The following LAMC1 variants were observed in gnomAD, a reference collection of about 807,000 sequenced individuals.
The protein encoded by LAMC1 is laminin subunit gamma 1, also known as laminin subunit gamma-1.
LAMC1 carries 38 observed loss-of-function variants against 173.6 expected under a neutral mutation model. The observed-to-expected ratio is 0.22, with a 90% CI of 0.17 to 0.29. The LOEUF is 0.29. Among genes scored for constraint, LAMC1 ranks in the 10% least tolerant of loss-of-function variants. The pLI, the probability that LAMC1 is intolerant of heterozygous loss-of-function variation, is 1.00. For synonymous variants in LAMC1, 746 were observed against 749.1 expected (o/e 1.00, Z 0.07); for missense variants, 1,824 against 2,051.8 (o/e 0.89, Z 2.14).
In LAMC1 at chr1:183,079,232, G is replaced by GTTTTTTT. The variant is rs796732672; in HGVS notation, c.419-24062_419-24056dup. On this transcript the variant is annotated intron_variant, in intron 1 of 27. Coordinates refer to ENST00000258341, the MANE Select transcript of LAMC1 (RefSeq NM_002293.4). ...AAGCAACTTTCTGATCTCTAATCTG[G>GTTTTTTT]TTTTTTTTTTTTTTTTTTTTTTTTT... is the stretch of plus-strand genomic sequence containing the variant. Among the ~76,000 whole-genome samples the GTTTTTTT allele has an allele frequency of 1.1e-4, 7 of 62,838 alleles. 1 individual carries two copies. Among genetic ancestry groups the GTTTTTTT allele is most frequent in the Non-Finnish European group, 2.1e-4 (7 of 32,824 alleles). 41.2% of individuals were successfully genotyped at this position (62,838 alleles called of 152,430 possible).
In LAMC1 at chr1:183,144,440, T is replaced by C. The variant is rs916979439; in HGVS notation, c.*1650T>C. On this transcript the variant is annotated 3_prime_UTR_variant, in exon 28 of 28. Coordinates refer to ENST00000258341, the MANE Select transcript of LAMC1 (RefSeq NM_002293.4). ...TCTGAATACCTCCTTCCCTCCCTTC[T>C]AGAATTCTTTGGATTGTACTCCAAA... 1 of 152,610 alleles carries C rather than the reference T, an allele frequency of 6.6e-6. No individual in the cohort carries two copies. The highest frequency in any genetic ancestry group is 2.4e-5 in the African/African-American group (1 of 41,450). 9.5% of individuals were successfully genotyped at this position (152,610 alleles called of 1,614,324 possible).
chr1:183,136,539 A>T lies in LAMC1; in HGVS notation c.4268A>T (p.Lys1423Met). Residue 1423 changes from lysine to methionine, a missense_variant, in exon 25 of 28, where the codon AAG becomes ATG. Physicochemically the swap from Lys to Met is moderately conservative, Grantham distance 95. Transcript: ENST00000258341. The part of the protein sequence containing the change: ...GSAAADATEA[K>M]NKAHEAERIA... The stretch of plus-strand genomic sequence containing the variant: ...GCTGCGGCGGATGCCACAGAGGCCA[A>T]GAACAAGGCCCATGAGGCGGAGAGG... 1 of 1,613,880 alleles carries T rather than the reference A, an allele frequency of 6.2e-7. No individual in the cohort carries two copies.
At chr1:183,075,432 T>C (rs551007239) in intron 1 of LAMC1, among the ~76,000 whole-genome samples, 1 of 152,294 alleles carries the variant, frequency 6.6e-6, no homozygotes, top group Admixed American at 6.5e-5. Context: ...ATGTTTTTAA[T>C]CTCTTTACAA....
intron 27 of LAMC1, chr1:183,141,342 G>A (rs1160437269): frequency 6.6e-6 from 1 of 152,190 alleles, no homozygotes; most frequent in Non-Finnish European, 1.5e-5. Flanking sequence ...CTTAAAACTG[G>A]TCATGACTTT....
At chr1:183,092,895 A>G (rs1011411064) in intron 1 of LAMC1, among the ~76,000 whole-genome samples, 1 of 152,154 alleles carries the variant, frequency 6.6e-6, no homozygotes, top group Non-Finnish European at 1.5e-5. Flanking sequence ...TCCCATCAGC[A>G]CAACACATGA....
chr1:183,122,796 T>C (rs1329982527), intron 13 of LAMC1, among the ~76,000 whole-genome samples: 1 of 152,130 alleles, frequency 6.6e-6, no homozygotes, highest in Non-Finnish European at 1.5e-5. Flanking sequence ...GCCCCTTCTC[T>C]ATGGGGTTCT....
chr1:183,127,363 T>C lies in LAMC1; in HGVS notation c.3082T>C (p.Cys1028Arg). 6.2e-7 allele frequency: 1 copy of C among 1,614,168 alleles called. No individual in the cohort carries two copies. Among genetic ancestry groups the C allele is most frequent in the Non-Finnish European group, 8.5e-7 (1 of 1,180,010 alleles). The change falls in exon 17 of 28, where the codon TGC becomes CGC. Residue 1028 changes from cysteine (C) to arginine (R), a missense_variant. Physicochemically the swap from Cys to Arg is radical, Grantham distance 180. Transcript: ENST00000258341. Reference sequence around the variant, plus strand: ...TTTCTACAATCGGTCTTGGCCTGGCTGCCAGGAATGTCCAGCTTGTTACCG... The same window carrying C: ...TTTCTACAATCGGTCTTGGCCTGGCCGCCAGGAATGTCCAGCTTGTTACCG... ...NYFYNRSWPG[C>R]QECPACYRLV...
intron 27 of LAMC1, among the ~76,000 whole-genome samples, chr1:183,141,655 T>C (rs923837162): frequency 1.3e-5 from 2 of 152,200 alleles, no homozygotes; most frequent in African/African-American, 4.8e-5. Context: ...GCTACAGGGG[T>C]ATTTTTTATC....
At chr1:183,046,508 T>C (rs1400527915) in intron 1 of LAMC1, among the ~76,000 whole-genome samples, 1 of 152,124 alleles carries the variant, frequency 6.6e-6, no homozygotes, top group East Asian at 1.9e-4. Context: ...TATTTAATAG[T>C]TTTCTCCTCA....
intron 1 of LAMC1, among the ~76,000 whole-genome samples, chr1:183,041,833 G>A (rs909876100): frequency 1.3e-5 from 2 of 152,092 alleles, no homozygotes; most frequent in African/African-American, 4.8e-5. Context: ...ATGGTAGTAG[G>A]GGTTCAAAAA....
chr1:183,143,983 G>A lies in LAMC1; in HGVS notation c.*1193G>A, dbSNP rs891842411. ...ATTTCACACAGCTGCCAACGCTATC[G>A]AGTTCCTGCACTTTGTGATTTAAAT... On this transcript the variant is annotated 3_prime_UTR_variant, in exon 28 of 28. Coordinates refer to ENST00000258341, the MANE Select transcript of LAMC1 (RefSeq NM_002293.4). 2.6e-5 allele frequency: 4 copies of A among 152,198 alleles called. No homozygotes were observed. Among genetic ancestry groups the A allele is most frequent in the African/African-American group, 9.7e-5 (4 of 41,404 alleles). The allele number at this position is 152,198 out of a possible 1,614,324, so 9.4% of individuals were successfully genotyped here.
chr1:183,090,308 T>G (rs1025871181), intron 1 of LAMC1, among the ~76,000 whole-genome samples: 11 of 152,140 alleles, frequency 7.2e-5, no homozygotes, highest in African/African-American at 2.4e-4. Flanking sequence ...TACATACATT[T>G]TAGCTATTTT....
At chr1:183,139,206 A>G (rs765269289) in intron 26 of LAMC1, among the ~76,000 whole-genome samples, 4 of 152,226 alleles carry the variant, frequency 2.6e-5, no homozygotes, top group Non-Finnish European at 5.9e-5. Context: ...GGTTTAGTTC[A>G]AAGGGTGAAA....
rs144433411 is a variant in LAMC1, at chr1:183,079,098, A to G, written c.419-24230A>G. Among the ~76,000 whole-genome samples the G allele has an allele frequency of 7.0e-4, 105 of 149,434 alleles. 1 individual carries two copies. The highest frequency in any genetic ancestry group is 2.8e-3 in the Admixed American group (40 of 14,518). On this transcript the variant is annotated intron_variant, in intron 1 of 27. Coordinates refer to ENST00000258341, the MANE Select transcript of LAMC1 (RefSeq NM_002293.4). ...GAGTGCTCTAATTTTAGACAACTAG[A>G]CATTATTTTTAGACAGAACCATTGC...
At chr1:183,045,777 T>TA (rs1393652914) in intron 1 of LAMC1, among the ~76,000 whole-genome samples, 1 of 152,090 alleles carries the variant, frequency 6.6e-6, no homozygotes, top group African/African-American at 2.4e-5. Context: ...GATGCTCAAC[T>TA]AGCAGTGTTA....
intron 1 of LAMC1, among the ~76,000 whole-genome samples, chr1:183,095,638 C>G (rs976886111): frequency 3.3e-5 from 5 of 152,188 alleles, no homozygotes; most frequent in African/African-American, 4.8e-5. Flanking sequence ...TTTTTTGCCT[C>G]AGCTTACACG....
chr1:183,105,038 G>A (rs1655934100), intron 2 of LAMC1, among the ~76,000 whole-genome samples: 1 of 145,184 alleles, frequency 6.9e-6, no homozygotes, highest in Admixed American at 7.1e-5. Flanking sequence ...GTGAAACCCT[G>A]TCTCTACTAA....
chr1:183,132,664 C>T (rs964025060), intron 21 of LAMC1, 127 bp downstream of exon 21: 4 of 725,022 alleles, frequency 5.5e-6, no homozygotes, highest in Non-Finnish European at 8.9e-6. Context: ...CTTTGTTAAT[C>T]ATGCTTTTGA....
At chr1:183,109,250 G>A (rs939613618) in intron 3 of LAMC1, among the ~76,000 whole-genome samples, 1 of 152,180 alleles carries the variant, frequency 6.6e-6, no homozygotes, top group African/African-American at 2.4e-5. Flanking sequence ...GAGAAATCAG[G>A]CAGAATTTTT....
Sources: allele counts gnomAD v4.1 joint callset (sites outside exome capture counted in the v4.1 genomes callset), GRCh38; gene constraint gnomAD v4.1.1; transcripts MANE v1.5; gene names NCBI Gene and HGNC (gene_info 2026-07-23, HGNC 2026-07-21).